The following MALRD1 variants were observed in gnomAD, a reference collection of about 807,000 sequenced individuals.
MALRD1 encodes the protein MAM and LDL-receptor class A domain-containing protein 1.
Under a neutral mutation model 242.1 loss-of-function variants are expected in MALRD1, and 247 were observed. The observed-to-expected ratio is 1.02, with a 90% CI of 0.92 to 1.13. The LOEUF is 1.13. MALRD1 is among the 50% of genes most tolerant of loss of function. The pLI is 0.00. For synonymous variants in MALRD1, 995 were observed against 866.6 expected (o/e 1.15, Z -2.60); for missense variants, 2,989 against 2,533.1 (o/e 1.18, Z -3.86).
intron 18 of MALRD1, among the ~76,000 whole-genome samples, chr10:19,235,586 G>GAGAGAGAGAC (rs1838281098): frequency 1.3e-5 from 1 of 76,188 alleles, no homozygotes; most frequent in Non-Finnish European, 3.2e-5. Flanking sequence ...CACAGAGAGA[G>GAGAGAGAGAC]AGAGAGAGAG....
intron 24 of MALRD1, among the ~76,000 whole-genome samples, chr10:19,340,642 G>T (rs1843807957): frequency 6.6e-6 from 1 of 151,658 alleles, no homozygotes; most frequent in African/African-American, 2.4e-5. Context: ...GAGGATGAGG[G>T]GAAAGAACAT....
At chr10:19,719,201 T>TATATATAC (rs1564567229) in intron 38 of MALRD1, among the ~76,000 whole-genome samples, 1 of 95,900 alleles carries the variant, frequency 1.0e-5, no homozygotes, top group African/African-American at 5.2e-5. Flanking sequence ...CATACATATA[T>TATATATAC]ATATATATAT....
intron 1 of MALRD1, among the ~76,000 whole-genome samples, chr10:19,054,544 A>T (rs1372876763): frequency 6.6e-6 from 1 of 152,160 alleles, no homozygotes; most frequent in East Asian, 1.9e-4. Flanking sequence ...TGTGACTTTT[A>T]TTATCTTCCC....
At chr10:19,723,206 C>T (rs564937406) in intron 38 of MALRD1, among the ~76,000 whole-genome samples, 134 of 152,144 alleles carry the variant, frequency 8.8e-4, no homozygotes, top group African/African-American at 2.9e-3. Context: ...CCTCCACACA[C>T]GAAATACAGG....
At chr10:19,552,344 C>T (rs112984578) in intron 32 of MALRD1, among the ~76,000 whole-genome samples, 10,278 of 152,074 alleles carry the variant, frequency 0.068, 373 homozygotes, top group East Asian at 0.11. Flanking sequence ...TCTAGATTTC[C>T]TAGTTCATGT....
intron 18 of MALRD1, among the ~76,000 whole-genome samples, chr10:19,239,295 G>C (rs542869289): frequency 6.6e-6 from 1 of 152,016 alleles, no homozygotes; most frequent in South Asian, 2.1e-4. Context: ...CCTGACCTCA[G>C]GCAATCCACC....
chr10:19,543,793 T>C (rs112120634), intron 32 of MALRD1, among the ~76,000 whole-genome samples: 29 of 152,314 alleles, frequency 1.9e-4, no homozygotes, highest in African/African-American at 6.7e-4. Flanking sequence ...TGTTTTTGCC[T>C]TTACAAATCA....
At chr10:19,408,691 T>C (rs1166552314) in intron 28 of MALRD1, among the ~76,000 whole-genome samples, 1 of 152,106 alleles carries the variant, frequency 6.6e-6, no homozygotes. Context: ...CAGTAGACAT[T>C]AGAGGAATAC....
chr10:19,442,635 A>T (rs951653416), intron 28 of MALRD1, among the ~76,000 whole-genome samples: 2 of 151,926 alleles, frequency 1.3e-5, no homozygotes, highest in South Asian at 4.1e-4. Context: ...TGATTTTTGT[A>T]TGTTGGACCA....
intron 5 of MALRD1, among the ~76,000 whole-genome samples, chr10:19,106,927 T>C (rs1415622642): frequency 6.6e-6 from 1 of 151,992 alleles, no homozygotes; most frequent in African/African-American, 2.4e-5. Context: ...TTCATGTATT[T>C]GTATAGTTTC....
chr10:19,449,363 G>T (rs1835184578), intron 28 of MALRD1, among the ~76,000 whole-genome samples: 1 of 152,150 alleles, frequency 6.6e-6, no homozygotes, highest in African/African-American at 2.4e-5. Context: ...TTTTAGTAGA[G>T]ATGGGGTTTC....
intron 10 of MALRD1, among the ~76,000 whole-genome samples, chr10:19,145,747 G>A (rs1234535362): frequency 1.4e-5 from 2 of 147,452 alleles, no homozygotes; most frequent in Admixed American, 1.3e-4. Flanking sequence ...TTTTTTTTTT[G>A]AGAAAGTGTT....
chr10:19,049,916 C>T (rs1489991354), intron 1 of MALRD1, among the ~76,000 whole-genome samples: 6 of 152,120 alleles, frequency 3.9e-5, no homozygotes. Context: ...CACCATATTT[C>T]AGCAATGGAG....
intron 36 of MALRD1, among the ~76,000 whole-genome samples, chr10:19,668,879 C>T (rs1186979738): frequency 6.6e-6 from 1 of 151,986 alleles, no homozygotes; most frequent in Non-Finnish European, 1.5e-5. Flanking sequence ...GAAGAGAGAA[C>T]AGAGAAAATG....
Sources: gnomAD v4.1 joint callset for allele counts (sites outside exome capture counted in the v4.1 genomes callset) on GRCh38, gnomAD v4.1.1 for gene constraint, MANE v1.5 for transcripts, NCBI Gene and HGNC (gene_info 2026-07-23, HGNC 2026-07-21) for gene names.